The following CDK15 variants were observed in gnomAD, a reference collection of about 807,000 sequenced individuals.
CDK15 encodes cyclin-dependent kinase 15.
In CDK15, 62 loss-of-function variants were observed where a neutral mutation model predicts 60.3. The observed-to-expected ratio is 1.03, with a 90% CI of 0.84 to 1.27. CDK15 has a LOEUF of 1.27. Ranked by LOEUF, CDK15 falls within the 50% of genes most tolerant of loss-of-function variation. The pLI is 0.00. For missense variants in CDK15, 541 were observed against 527.8 expected, an observed-to-expected ratio of 1.03 and a Z score of -0.25; for synonymous variants, 194 against 195.7, an observed-to-expected ratio of 0.99 and a Z score of 0.07.
intron 4 of CDK15, among the ~76,000 whole-genome samples, chr2:201,819,307 G>A (rs1360550773): frequency 6.6e-6 from 1 of 152,162 alleles, no homozygotes; most frequent in Non-Finnish European, 1.5e-5. Context: ...AAAGACATTG[G>A]CAAGTGTAAA....
intron 12 of CDK15, among the ~76,000 whole-genome samples, chr2:201,883,473 A>G (rs984209872): frequency 2.6e-5 from 4 of 152,196 alleles, no homozygotes; most frequent in African/African-American, 9.7e-5. Context: ...GTACGCTTAG[A>G]GCCAAAGGGC....
At chr2:201,826,011 A>G (rs1181174776) in intron 6 of CDK15, among the ~76,000 whole-genome samples, 1 of 152,256 alleles carries the variant, frequency 6.6e-6, no homozygotes, top group Non-Finnish European at 1.5e-5. Flanking sequence ...TGCTTCAAAG[A>G]CATGATCCCT....
chr2:201,866,188 T>C (rs1335155046), intron 10 of CDK15, among the ~76,000 whole-genome samples: 1 of 152,034 alleles, frequency 6.6e-6, no homozygotes, highest in Non-Finnish European at 1.5e-5. Flanking sequence ...AAGAATGCAT[T>C]GTATTCAGGA....
chr2:201,884,671 T>A lies in CDK15; in HGVS notation c.1198+4504T>A, dbSNP rs556785103. On this transcript the variant is annotated intron_variant, in intron 12 of 13. Coordinates refer to ENST00000652192, the MANE Select transcript of CDK15 (RefSeq NM_001366386.2). Reference sequence around the variant, plus strand: ...CAAATACAAATTCTGTTTCTCCCACTTTTTAGTCATTTTGTTTTATTGTTC... The same window carrying A: ...CAAATACAAATTCTGTTTCTCCCACATTTTAGTCATTTTGTTTTATTGTTC... Among the ~76,000 whole-genome samples the A allele has an allele frequency of 4.6e-5, 7 of 152,328 alleles. No individual in the cohort carries two copies. The South Asian group carries it at 6.2e-4, about 14-fold the overall frequency.
chr2:201,836,073 T>TATG lies in CDK15; in HGVS notation c.851+310_851+311insATG, dbSNP rs56275763. On this transcript the variant is annotated intron_variant, in intron 8 of 13. Coordinates refer to ENST00000652192, the MANE Select transcript of CDK15 (RefSeq NM_001366386.2). ...TATATATATATTATATATATTTATA[T>TATG]TTATATATATTTATATATTTATATA... 1.9e-5 allele frequency among the ~76,000 whole-genome samples: 2 copies of TATG among 106,684 alleles called. 1 individual carries two copies. The highest frequency in any genetic ancestry group is 3.4e-5 in the Non-Finnish European group (2 of 58,304). The allele number at this position is 106,684 out of a possible 152,430, so 70.0% of individuals were successfully genotyped here.
In CDK15 at chr2:201,807,590, C is replaced by T. The variant is rs1217408740; in HGVS notation, c.220C>T (p.Arg74Trp). The change falls in exon 2 of 14, where the codon CGG becomes TGG. Residue 74 changes from arginine to tryptophan, a missense_variant. Physicochemically the swap from Arg to Trp is moderately radical, Grantham distance 101 (BLOSUM62 -3). Transcript: ENST00000652192. ...RAQKFKSKRP[R>W]SNSDCFQEED... ...CCAGAAGTTCAAGAGTAAAAGGCCA[C>T]GGAGTAACAGTGATTGTTTTCAGGA... is the stretch of plus-strand genomic sequence containing the variant. The T allele has an allele frequency of 3.2e-5, 52 of 1,614,020 alleles. No homozygotes were observed. The highest frequency in any genetic ancestry group is 6.6e-5 in the South Asian group (6 of 91,068).
intron 12 of CDK15, among the ~76,000 whole-genome samples, chr2:201,890,056 G>GAAAAAAAAAAA (rs1163431033): frequency 1.0e-5 from 1 of 96,112 alleles, no homozygotes. Flanking sequence ...CTCAAAAAAA[G>GAAAAAAAAAAA]AAAAAAAAAA....
At chr2:201,835,819 A>T in intron 8 of CDK15, 56 bp downstream of exon 8, 1 of 1,328,852 alleles carries the variant, frequency 7.5e-7, no homozygotes, top group South Asian at 2.2e-5. Context: ...TTGCTTTATC[A>T]TCTACATTAT....
chr2:201,819,547 A>G (rs1200972023), intron 4 of CDK15, among the ~76,000 whole-genome samples: 1 of 152,144 alleles, frequency 6.6e-6, no homozygotes, highest in Non-Finnish European at 1.5e-5. Flanking sequence ...CTCATTTGAG[A>G]AGGATAGCAG....
intron 12 of CDK15, among the ~76,000 whole-genome samples, chr2:201,886,570 C>G (rs1431436191): frequency 6.6e-6 from 1 of 152,182 alleles, no homozygotes; most frequent in Admixed American, 6.5e-5. Flanking sequence ...GGTGATCCAC[C>G]TGCCTTGGCC....
At chr2:201,888,876 G>A (rs768223753) in intron 12 of CDK15, 1 of 1,042,008 alleles carries the variant, frequency 9.6e-7, no homozygotes, top group Non-Finnish European at 1.2e-6. Flanking sequence ...GAGTTGATTT[G>A]AGAATAATTG....
chr2:201,834,048 G>A, intron 7 of CDK15, 77 bp downstream of exon 7: 2 of 1,502,730 alleles, frequency 1.3e-6, no homozygotes, highest in Non-Finnish European at 8.9e-7. Flanking sequence ...CGTTGACTGG[G>A]CCTGGCCTTT....
intron 11 of CDK15, among the ~76,000 whole-genome samples, chr2:201,874,660 C>A (rs991953043): frequency 1.3e-5 from 2 of 152,096 alleles, no homozygotes; most frequent in African/African-American, 4.8e-5. Flanking sequence ...TGCAGTGGAA[C>A]CATTCACAGG....
intron 9 of CDK15, among the ~76,000 whole-genome samples, chr2:201,849,797 T>C (rs1697825326): frequency 6.6e-6 from 1 of 152,108 alleles, no homozygotes; most frequent in Non-Finnish European, 1.5e-5. Context: ...CATTAGTATT[T>C]GAAGAGTTGT....
At position 201,847,442 on chromosome 2, in the gene CDK15, A is replaced by C. The variant is rs1470160703; in HGVS notation, c.913A>C (p.Asn305His). 1.2e-6 allele frequency: 2 copies of C among 1,614,126 alleles called. No individual in the cohort carries two copies. The highest frequency in any genetic ancestry group is 1.7e-6 in the Non-Finnish European group (2 of 1,179,990). The change falls in exon 9 of 14, where the codon AAC becomes CAC. Residue 305 changes from asparagine (N) to histidine (H), a missense_variant. Transcript: ENST00000652192. ...QGQPLFPGVS[N>H]ILEQLEKIWE... ...TCAACCTTTGTTTCCTGGGGTTTCC[A>C]ACATCCTTGAACAGCTGGAGAAAAT...
At chr2:201,874,410 G>T (rs1485135544) in intron 11 of CDK15, among the ~76,000 whole-genome samples, 5 of 152,252 alleles carry the variant, frequency 3.3e-5, no homozygotes, top group African/African-American at 4.8e-5. Flanking sequence ...ACCTAGCAGG[G>T]TGCTACATAT....
At chr2:201,855,986 C>T (rs937153614) in intron 10 of CDK15, among the ~76,000 whole-genome samples, 1 of 152,020 alleles carries the variant, frequency 6.6e-6, no homozygotes, top group Non-Finnish European at 1.5e-5. Context: ...GCCACCATGC[C>T]CAGCTAATTT....
intron 12 of CDK15, chr2:201,889,496 A>G: frequency 2.3e-6 from 2 of 863,374 alleles, no homozygotes; most frequent in Non-Finnish European, 2.8e-6. Context: ...ACTTACAGCA[A>G]TCTGCCAGGA....
At chr2:201,836,303 A>C (rs1697086162) in intron 8 of CDK15, among the ~76,000 whole-genome samples, 1 of 146,768 alleles carries the variant, frequency 6.8e-6, no homozygotes. Context: ...TCCCAGATTC[A>C]AGCAATTCTC....
Sources: gnomAD v4.1 joint callset for allele counts (sites outside exome capture counted in the v4.1 genomes callset) on GRCh38, gnomAD v4.1.1 for gene constraint, MANE v1.5 for transcripts, NCBI Gene and HGNC (gene_info 2026-07-23, HGNC 2026-07-21) for gene names.